Variants in BLOC1S3 observed in about 807,000 individuals in gnomAD.
BLOC1S3 encodes the protein biogenesis of lysosomal organelles complex 1 subunit 3.
Under a neutral mutation model 9.1 loss-of-function variants are expected in BLOC1S3, and 7 were observed. The observed-to-expected ratio is 0.77, with a 90% CI of 0.44 to 1.45. The LOEUF (loss-of-function observed/expected upper bound fraction) is 1.45, where lower values mean the gene tolerates loss of function less well. Ranked by LOEUF, BLOC1S3 falls within the 40% of genes most tolerant of loss-of-function variation. The pLI, the probability that BLOC1S3 is intolerant of heterozygous loss-of-function variation, is 0.01. For synonymous variants in BLOC1S3, 145 were observed against 158.4 expected (o/e 0.92, Z 0.64); for missense variants, 307 against 315.2 (o/e 0.97, Z 0.20).
chr19:45,212,904 T>G, intron 3 of BLOC1S3: 1 of 756,360 alleles, frequency 1.3e-6, no homozygotes, highest in South Asian at 2.9e-5. Flanking sequence ...CTGGCGTTTG[T>G]TTCCCTTCTG....
Position 45,180,638 on chromosome 19 carries a change from G to A in BLOC1S3, c.*733G>A, listed in dbSNP as rs1354567080. Reference sequence around the variant, plus strand: ...TTCTTCCCACAAGAACCCAGGATGTGGCACAGCTTCCCTGCCGTCTTCCTT... The same window carrying A: ...TTCTTCCCACAAGAACCCAGGATGTAGCACAGCTTCCCTGCCGTCTTCCTT... On this transcript the variant is annotated 3_prime_UTR_variant, in exon 2 of 2. Coordinates refer to ENST00000433642, the MANE Select transcript of BLOC1S3 (RefSeq NM_212550.5). 1 of 167,174 alleles carries A rather than the reference G, an allele frequency of 6.0e-6. No homozygotes were observed. Among genetic ancestry groups the A allele is most frequent in the Admixed American group, 6.6e-5 (1 of 15,260 alleles). The allele number at this position is 167,174 out of a possible 1,614,324, so 10.4% of individuals were successfully genotyped here.
chr19:45,210,425 G>A (rs1969759985), intron 3 of BLOC1S3, among the ~76,000 whole-genome samples: 1 of 148,026 alleles, frequency 6.8e-6, no homozygotes, highest in South Asian at 2.1e-4. Flanking sequence ...TGAGCCTCCT[G>A]GAGTAGCTGG....
chr19:45,213,101 G>C lies in BLOC1S3; in HGVS notation n.283-3575G>C, dbSNP rs547474737. 2.0e-6 allele frequency: 3 copies of C among 1,529,992 alleles called. No homozygotes were observed. The African/African-American group carries it at 4.2e-5, about 21-fold the overall frequency. 94.8% of individuals were successfully genotyped at this position (1,529,992 alleles called of 1,614,324 possible). Reference sequence around the variant, plus strand: ...TGGGCCCGAGGTCGCGCTAGAGACGGAGGCCGGGGCCGAGGCAGACAGGCC... The same window carrying C: ...TGGGCCCGAGGTCGCGCTAGAGACGCAGGCCGGGGCCGAGGCAGACAGGCC... On this transcript the variant is annotated intron_variant and non_coding_transcript_variant, in intron 3 of 3. Coordinates refer to the BLOC1S3 transcript ENST00000591569.
rs1969828101 is a variant in BLOC1S3 at position 45,215,886 on chromosome 19, G to GGCA, written n.283-784_283-782dup. On this transcript the variant is annotated intron_variant and non_coding_transcript_variant, in intron 3 of 3. Transcript: ENST00000591569. ...GAGCCCTGGTGGCGGTGGCGGCGGA[G>GGCA]GCAGCAGCGGCGGCAGGAGAAGGAG... 2.0e-5 allele frequency among the ~76,000 whole-genome samples: 3 copies of GGCA among 152,170 alleles called. No individual in the cohort carries two copies. In the South Asian group the frequency reaches 6.2e-4, roughly 32 times the overall value.
At chr19:45,200,614 T>C (rs1969684171) in intron 2 of BLOC1S3, among the ~76,000 whole-genome samples, 1 of 152,236 alleles carries the variant, frequency 6.6e-6, no homozygotes, top group African/African-American at 2.4e-5. Flanking sequence ...ATTCTCCGTC[T>C]GAAAGGTCAC....
chr19:45,191,895 T>G (rs913822803), intron 2 of BLOC1S3, among the ~76,000 whole-genome samples: 5 of 152,164 alleles, frequency 3.3e-5, no homozygotes, highest in Admixed American at 2.0e-4. Context: ...CAACACGGGG[T>G]CTCCCCCAAG....
chr19:45,179,563 G>C lies in BLOC1S3; in HGVS notation c.267G>C (p.Ser89=). The C allele has an allele frequency of 6.6e-7, 1 of 1,516,812 alleles. No individual in the cohort carries two copies. The allele number at this position is 1,516,812 out of a possible 1,614,324, so 94.0% of individuals were successfully genotyped here. ...DLPPLVVQRE[S]AEEAWGTEEA... is the part of the protein sequence containing the mutation. ...CTCCACTCGTGGTGCAGCGGGAATC[G>C]GCGGAGGAGGCCTGGGGCACGGAGG... Residue 89 remains serine, a synonymous_variant, in exon 2 of 2, where the codon TCG becomes TCC. Coordinates refer to ENST00000433642, the MANE Select transcript of BLOC1S3 (RefSeq NM_212550.5). The surrounding 1 kb of genome is among the most constrained non-coding windows in gnomAD (Gnocchi z 4.6).
At position 45,179,489 on chromosome 19, in the gene BLOC1S3, T is replaced by G. The variant is rs1568469754; in HGVS notation, c.193T>G (p.Ser65Ala). 1 of 1,523,598 alleles carries G rather than the reference T, an allele frequency of 6.6e-7. No individual in the cohort carries two copies. 94.4% of individuals were successfully genotyped at this position (1,523,598 alleles called of 1,614,324 possible). The stretch of plus-strand genomic sequence containing the variant: ...GGCTGGGGAAGCCGCGGAGACCGAC[T>G]CGGAGCCGGAGCCGGAGCCGGAACC... ...RVAGEAAETD[S>A]EPEPEPEPTA... The change falls in exon 2 of 2, where the codon TCG (serine) becomes GCG (alanine). Residue 65 changes from serine (S) to alanine (A), a missense_variant. Transcript: ENST00000433642. The surrounding 1 kb of genome is among the most constrained non-coding windows in gnomAD (Gnocchi z 4.6).
downstream of BLOC1S3, among the ~76,000 whole-genome samples, chr19:45,184,116 C>CTCCT (rs550926390): frequency 6.6e-6 from 1 of 152,144 alleles, no homozygotes; most frequent in African/African-American, 2.4e-5. Context: ...TTTTCCCTCC[C>CTCCT]TCCTTCCTTC....
rs558095215 is a variant in BLOC1S3 at position 45,214,727 on chromosome 19, A to C, written n.283-1949A>C. Among the ~76,000 whole-genome samples the C allele has an allele frequency of 1.7e-4, 26 of 151,902 alleles. 1 individual carries two copies. The South Asian group carries it at 4.8e-3, about 28-fold the overall frequency. On this transcript the variant is annotated intron_variant and non_coding_transcript_variant, in intron 3 of 3. Transcript: ENST00000591569. Reference sequence around the variant, plus strand: ...TGATCCACCTACCTCGGCCTCCCAAAGTGCTGGGATTACAAGCGTGAGCCA... The same window carrying C: ...TGATCCACCTACCTCGGCCTCCCAACGTGCTGGGATTACAAGCGTGAGCCA...
At chr19:45,204,591 G>C (rs992702388) in intron 3 of BLOC1S3, among the ~76,000 whole-genome samples, 1 of 152,170 alleles carries the variant, frequency 6.6e-6, no homozygotes, top group African/African-American at 2.4e-5. Context: ...GGAAATCCAA[G>C]ATGGCGTCTT....
chr19:45,198,515 A>G (rs1969666115), intron 2 of BLOC1S3, among the ~76,000 whole-genome samples: 1 of 152,086 alleles, frequency 6.6e-6, no homozygotes, highest in Non-Finnish European at 1.5e-5. Flanking sequence ...GCTGGTCTTG[A>G]ACTCCTGACC....
chr19:45,179,656 G>A lies in BLOC1S3; in HGVS notation c.360G>A (p.Leu120=). ...GGCTGGCGGAGAGCCAGGCGCGGCT[G>A]GACCACGACGTGGCGGCCGCCGTGA... ...QLRLAESQAR[L]DHDVAAAVSG... Residue 120 remains leucine (L), a synonymous_variant, in exon 2 of 2, where the codon CTG becomes CTA. Coordinates refer to ENST00000433642, the MANE Select transcript of BLOC1S3 (RefSeq NM_212550.5). This position sits in a 1 kb window ranked among gnomAD's most constrained non-coding sequence, Gnocchi z 4.6. 1 of 1,468,868 alleles carries A rather than the reference G, an allele frequency of 6.8e-7. No homozygotes were observed. Among genetic ancestry groups the A allele is most frequent in the South Asian group, 1.3e-5 (1 of 76,928 alleles). The allele number at this position is 1,468,868 out of a possible 1,614,324, so 91.0% of individuals were successfully genotyped here.
chr19:45,207,962 C>G (rs1361697211), intron 3 of BLOC1S3, among the ~76,000 whole-genome samples: 1 of 151,330 alleles, frequency 6.6e-6, no homozygotes, highest in Non-Finnish European at 1.5e-5. Context: ...GAAGGGCAAA[C>G]AAGACCACCA....
downstream of BLOC1S3, among the ~76,000 whole-genome samples, chr19:45,182,689 A>T (rs1969534333): frequency 6.6e-6 from 1 of 152,152 alleles, no homozygotes; most frequent in African/African-American, 2.4e-5. Flanking sequence ...AATTAATTTT[A>T]AAAAATAAAA....
chr19:45,188,761 G>A (rs1185259407), intron 2 of BLOC1S3, among the ~76,000 whole-genome samples: 1 of 151,066 alleles, frequency 6.6e-6, no homozygotes, highest in Admixed American at 6.6e-5. Context: ...TAGTAGAGAC[G>A]GGGTTTCACC....
At chr19:45,212,220 G>A (rs946343240) in intron 3 of BLOC1S3, among the ~76,000 whole-genome samples, 19 of 152,116 alleles carry the variant, frequency 1.2e-4, no homozygotes, top group African/African-American at 4.3e-4. Flanking sequence ...GGTTGGCGTC[G>A]CTCCCAGCAC....
rs371854456 is a variant in BLOC1S3, at chr19:45,195,620, G to A, written n.181-6786G>A. 1.5e-3 allele frequency among the ~76,000 whole-genome samples: 185 copies of A among 124,676 alleles called. 1 individual carries two copies. In the South Asian group the frequency reaches 0.024, roughly 16 times the overall value. 81.8% of individuals were successfully genotyped at this position (124,676 alleles called of 152,430 possible). The stretch of plus-strand genomic sequence containing the variant: ...CTCCCTCCTTCCTTCCTTCCTCAGA[G>A]TTTCTCTCTTGTTGGCCAGGCTGGA... On this transcript the variant is annotated intron_variant and non_coding_transcript_variant, in intron 2 of 3. Transcript: ENST00000591569.
chr19:45,213,506 A>G (rs1226125835), intron 3 of BLOC1S3: 1 of 854,304 alleles, frequency 1.2e-6, no homozygotes, highest in African/African-American at 1.7e-5. Flanking sequence ...CCTTCCCTCC[A>G]ATCAGCTCCC....
Sources: allele counts gnomAD v4.1 joint callset (sites outside exome capture counted in the v4.1 genomes callset), GRCh38; gene constraint gnomAD v4.1.1; non-coding constraint Gnocchi (gnomAD v3.1); transcripts MANE v1.5; gene names NCBI Gene and HGNC (gene_info 2026-07-23, HGNC 2026-07-21).